Variants in GOLGA4 observed in about 807,000 individuals in gnomAD.
GOLGA4 encodes golgin A4, also known as golgin subfamily A member 4.
A neutral mutation model predicts 265.9 loss-of-function variants in GOLGA4; 169 were observed. That is an observed-to-expected ratio of 0.64 (90% CI 0.56 to 0.72). The LOEUF (loss-of-function observed/expected upper bound fraction) is 0.72, where lower values mean the gene tolerates loss of function less well. GOLGA4 is among the 30% of genes least tolerant of loss of function. The pLI, the probability that GOLGA4 is intolerant of heterozygous loss-of-function variation, is 0.00. For synonymous variants in GOLGA4, 923 were observed against 855.8 expected, an observed-to-expected ratio of 1.08 and a Z score of -1.37; for missense variants, 2,482 against 2,483.4, an observed-to-expected ratio of 1.00 and a Z score of 0.01.
At chr3:37,317,411 C>A (rs546208509) in intron 11 of GOLGA4, among the ~76,000 whole-genome samples, 1 of 152,148 alleles carries the variant, frequency 6.6e-6, no homozygotes, top group Non-Finnish European at 1.5e-5. Context: ...CTCAGGTGAT[C>A]CACCTGCCTT....
chr3:37,328,880 T>C (rs536213857), intron 15 of GOLGA4, 83 bp from the exon 16 acceptor site: 139 of 1,093,500 alleles, frequency 1.3e-4, no homozygotes, highest in Non-Finnish European at 1.7e-4. Flanking sequence ...TTAATTGGAA[T>C]GAGAGTTGTT....
At chr3:37,287,315 T>C (rs2096852286) in intron 4 of GOLGA4, among the ~76,000 whole-genome samples, 1 of 152,248 alleles carries the variant, frequency 6.6e-6, no homozygotes, top group Non-Finnish European at 1.5e-5. Context: ...CACTCCAGCC[T>C]GGGTGACAGA....
intron 17 of GOLGA4, among the ~76,000 whole-genome samples, chr3:37,336,658 C>T (rs2097013906): frequency 6.6e-6 from 1 of 151,756 alleles, no homozygotes; most frequent in Admixed American, 6.6e-5. Context: ...GTGGTCCCAG[C>T]TACTTGGGAG....
chr3:37,312,193 C>T (rs1012768840), intron 10 of GOLGA4, among the ~76,000 whole-genome samples: 1 of 152,168 alleles, frequency 6.6e-6, no homozygotes, highest in Non-Finnish European at 1.5e-5. Context: ...GGGCTGATGA[C>T]ACCTAAGCAT....
At chr3:37,303,690 G>T (rs1214839744) in intron 10 of GOLGA4, among the ~76,000 whole-genome samples, 2 of 152,112 alleles carry the variant, frequency 1.3e-5, no homozygotes, top group Non-Finnish European at 2.9e-5. Flanking sequence ...TAGGAGAGGC[G>T]GATTTCTACA....
chr3:37,260,682 G>A (rs1366501289), intron 2 of GOLGA4, among the ~76,000 whole-genome samples: 1 of 151,822 alleles, frequency 6.6e-6, no homozygotes, highest in Non-Finnish European at 1.5e-5. Flanking sequence ...TGAGGCAGAG[G>A]GATTTACACC....
chr3:37,278,008 A>C (rs2096824004), intron 2 of GOLGA4, among the ~76,000 whole-genome samples: 1 of 152,210 alleles, frequency 6.6e-6, no homozygotes, highest in East Asian at 1.9e-4. Context: ...CTATTTTGTC[A>C]GTTCATAGTT....
At chr3:37,355,283 T>C (rs2097087855) in intron 22 of GOLGA4, 96 bp downstream of exon 22, 2 of 706,062 alleles carry the variant, frequency 2.8e-6, no homozygotes, top group Non-Finnish European at 2.5e-6. Context: ...AAAATAAATT[T>C]TAAGATTTCA....
chr3:37,299,489 C>T, intron 9 of GOLGA4, 118 bp downstream of exon 9: 1 of 631,646 alleles, frequency 1.6e-6, no homozygotes, highest in Non-Finnish European at 2.8e-6. Flanking sequence ...GCAGCTTTTT[C>T]CATGAAAAAT....
In GOLGA4 at chr3:37,364,861, G is replaced by A. The variant is rs375029551; in HGVS notation, c.*34-1219G>A. Among the ~76,000 whole-genome samples the A allele has an allele frequency of 1.2e-4, 18 of 151,900 alleles. No homozygotes were observed. The East Asian group carries it at 3.1e-3, about 26-fold the overall frequency. On this transcript the variant is annotated intron_variant, in intron 23 of 23. Coordinates refer to ENST00000361924, the MANE Select transcript of GOLGA4 (RefSeq NM_002078.5). ...CTGACCCTGGTCTCCCAAAAGTGCT[G>A]GGATTATAGGCATAAGCCACCATGC...
chr3:37,254,296 CTG>C (rs777699478), intron 2 of GOLGA4, among the ~76,000 whole-genome samples: 5 of 152,084 alleles, frequency 3.3e-5, no homozygotes, highest in South Asian at 4.1e-4. Context: ...TCTCAGGAAA[CTG>C]TATATACTCT....
At chr3:37,337,644 A>C in intron 18 of GOLGA4, 22 bp from the exon 19 acceptor site, 1 of 1,552,900 alleles carries the variant, frequency 6.4e-7, no homozygotes, top group Middle Eastern at 1.7e-4. Context: ...TGCATTTCAG[A>C]TCTGACTTTT....
chr3:37,246,268 C>T (rs2096719239), intron 1 of GOLGA4, among the ~76,000 whole-genome samples: 1 of 150,132 alleles, frequency 6.7e-6, no homozygotes, highest in East Asian at 2.0e-4. Context: ...GATCGTGCCA[C>T]TGCACTCCAG....
At chr3:37,254,979 G>A (rs1359364178) in intron 2 of GOLGA4, among the ~76,000 whole-genome samples, 4 of 149,566 alleles carry the variant, frequency 2.7e-5, no homozygotes, top group African/African-American at 9.8e-5. Context: ...CTAGAAATCT[G>A]TCCTATAGAA....
intron 2 of GOLGA4, among the ~76,000 whole-genome samples, chr3:37,270,057 C>G (rs2096794164): frequency 6.6e-6 from 1 of 151,358 alleles, no homozygotes; most frequent in African/African-American, 2.4e-5. Flanking sequence ...CCATGCCTGG[C>G]TAACTTTTTT....
At chr3:37,366,025 T>C in intron 23 of GOLGA4, 55 bp from the exon 24 acceptor site, 1 of 1,431,876 alleles carries the variant, frequency 7.0e-7, no homozygotes, top group Non-Finnish European at 9.4e-7. Flanking sequence ...TCAACCTAAA[T>C]GTTTTGGATT....
At position 37,286,614 on chromosome 3, in the gene GOLGA4, G is replaced by A. The variant is rs1285565225; in HGVS notation, c.525+553G>A. Among the ~76,000 whole-genome samples the A allele has an allele frequency of 3.9e-5, 6 of 152,076 alleles. No homozygotes were observed. In the South Asian group the frequency reaches 6.2e-4, roughly 16 times the overall value. On this transcript the variant is annotated intron_variant, in intron 4 of 23. Transcript: ENST00000361924. Reference sequence around the variant, plus strand: ...TGAGCTTCCTTGAGTTACAGATCTCGGTAGTGTTTAAGAAGTTAGGATTTA... The same window carrying A: ...TGAGCTTCCTTGAGTTACAGATCTCAGTAGTGTTTAAGAAGTTAGGATTTA...
rs1365781171 is a variant in GOLGA4, at chr3:37,315,532, G to A, written c.1347G>A (p.Glu449=). The change falls in exon 11 of 24, where the codon GAG becomes GAA. Residue 449 remains glutamate, a synonymous_variant. Coordinates refer to ENST00000361924, the MANE Select transcript of GOLGA4 (RefSeq NM_002078.5). The part of the protein sequence containing the change: ...EQIKTIEKTS[E]EERISLQQEL... ...TAAAAACTATCGAAAAAACAAGTGA[G>A]GAGGAACGCATCAGTCTTCAACAGG... The A allele has an allele frequency of 2.5e-6, 4 of 1,613,806 alleles. No individual in the cohort carries two copies. The African/African-American group carries it at 5.3e-5, about 22-fold the overall frequency.
chr3:37,325,355 C>G lies in GOLGA4; in HGVS notation c.3469C>G (p.Leu1157Val), dbSNP rs996010424. The G allele has an allele frequency of 2.5e-6, 4 of 1,613,376 alleles. No individual in the cohort carries two copies. The highest frequency in any genetic ancestry group is 3.4e-6 in the Non-Finnish European group (4 of 1,179,544). The change falls in exon 14 of 24, where the codon CTA (leucine) becomes GTA (valine). Residue 1157 changes from leucine to valine, a missense_variant. By Grantham distance (32) the Leu-to-Val change is conservative. Coordinates refer to ENST00000361924, the MANE Select transcript of GOLGA4 (RefSeq NM_002078.5). ...GGAAAATACTTTTCTTCAAGAGCAG[C>G]TAGTTGAACTGAAGATGCTGGCAGA... The part of the protein sequence containing the change: ...LKENTFLQEQ[L>V]VELKMLAEED...
Sources: gnomAD v4.1 joint callset for allele counts (sites outside exome capture counted in the v4.1 genomes callset) on GRCh38, gnomAD v4.1.1 for gene constraint, MANE v1.5 for transcripts, NCBI Gene and HGNC (gene_info 2026-07-23, HGNC 2026-07-21) for gene names.